Variants in DGKH observed in about 807,000 individuals in gnomAD.
DGKH encodes the protein diacylglycerol kinase eta.
DGKH carries 90 observed loss-of-function variants against 159.3 expected under a neutral mutation model. The ratio of observed to expected loss-of-function variants is 0.57; its 90% CI spans 0.48 to 0.67. DGKH has a LOEUF of 0.67. Ranked by LOEUF, DGKH falls within the 30% of genes least tolerant of loss-of-function variation. The probability of loss-of-function intolerance (pLI) is 0.00; values close to 1 mark genes in which losing one functional copy is unlikely to be tolerated. For synonymous variants in DGKH, 536 were observed against 553.8 expected (o/e 0.97, Z 0.45); for missense variants, 1,181 against 1,506.1 (o/e 0.78, Z 3.57).
chr13:42,155,812 C>T lies in DGKH; in HGVS notation c.622+13C>T. ...CTGTCCTGCGAAGGTACTGTAGCAC[C>T]TAGCATGTGTTTTCTCCCAACAGTA... On this transcript the variant is annotated intron_variant, in intron 5 of 29. Coordinates refer to ENST00000337343, the MANE Select transcript of DGKH (RefSeq NM_178009.5). The T allele has an allele frequency of 6.2e-7, 1 of 1,613,796 alleles. No individual in the cohort carries two copies. Among genetic ancestry groups the T allele is most frequent in the Non-Finnish European group, 8.5e-7 (1 of 1,179,910 alleles).
intron 12 of DGKH, among the ~76,000 whole-genome samples, chr13:42,176,883 G>T (rs1307294668): frequency 2.0e-5 from 3 of 152,172 alleles, no homozygotes; most frequent in Non-Finnish European, 4.4e-5. Flanking sequence ...TAAATATTGT[G>T]CACATTTTTA....
intron 2 of DGKH, 111 bp downstream of exon 2, chr13:42,127,684 T>C: frequency 1.3e-6 from 1 of 760,312 alleles, no homozygotes; most frequent in Non-Finnish European, 2.2e-6. Context: ...TATGCTCTTA[T>C]ATGAATTCAA....
At position 42,097,420 on chromosome 13, in the gene DGKH, G is replaced by A. The variant is rs148290251; in HGVS notation, c.193-30043G>A. ...TGTTGGTTCAGTGGGGGGACTTGTC[G>A]CCTGTGTCCGTCACTGTTTAATCAA... On this transcript the variant is annotated intron_variant, in intron 1 of 29. Coordinates refer to ENST00000337343, the MANE Select transcript of DGKH (RefSeq NM_178009.5). Among the ~76,000 whole-genome samples the A allele has an allele frequency of 1.2e-3, 184 of 152,228 alleles. 1 individual carries two copies. The highest frequency in any genetic ancestry group is 4.3e-3 in the African/African-American group (178 of 41,524).
At chr13:42,111,571 C>T (rs183185385) in intron 1 of DGKH, among the ~76,000 whole-genome samples, 16 of 151,930 alleles carry the variant, frequency 1.1e-4, no homozygotes, top group Admixed American at 6.5e-4. Context: ...GAGTGAGACT[C>T]CATCTCAAAA....
At chr13:42,223,610 A>T (rs1958042159) in intron 29 of DGKH, among the ~76,000 whole-genome samples, 1 of 151,824 alleles carries the variant, frequency 6.6e-6, no homozygotes, top group Non-Finnish European at 1.5e-5. Context: ...ACTACAAAAA[A>T]ACTAGCTAGG....
intron 24 of DGKH, among the ~76,000 whole-genome samples, chr13:42,211,177 A>G (rs1023047491): frequency 1.3e-5 from 2 of 152,206 alleles, no homozygotes; most frequent in Non-Finnish European, 2.9e-5. Flanking sequence ...TTAAACAAAT[A>G]AAAATCACTA....
chr13:42,058,405 T>TA (rs1881912637), intron 1 of DGKH, among the ~76,000 whole-genome samples: 1 of 152,194 alleles, frequency 6.6e-6, no homozygotes, highest in Non-Finnish European at 1.5e-5. Context: ...ATACACAATA[T>TA]AATTCCACAG....
chr13:42,175,882 C>T (rs1446351204), intron 12 of DGKH, among the ~76,000 whole-genome samples: 1 of 152,150 alleles, frequency 6.6e-6, no homozygotes, highest in African/African-American at 2.4e-5. Flanking sequence ...CTTTTGTATA[C>T]TTCATTAGCT....
intron 1 of DGKH, among the ~76,000 whole-genome samples, chr13:42,081,822 C>T (rs193126457): frequency 3.3e-4 from 51 of 152,250 alleles, no homozygotes; most frequent in African/African-American, 1.1e-3. Flanking sequence ...GCTTCCTTTC[C>T]GTGAAGAATA....
Position 42,155,753 on chromosome 13 carries a change from C to T in DGKH, c.576C>T (p.Cys192=). 2.5e-6 allele frequency: 4 copies of T among 1,614,084 alleles called. No individual in the cohort carries two copies. The highest frequency in any genetic ancestry group is 2.5e-6 in the Non-Finnish European group (3 of 1,179,998). ...CCCGACCCACCTTCTGTAACGTGTG[C>T]AGAGAGAGTCTTTCTGGAGTCACCT... ...SHARPTFCNV[C]RESLSGVTSH... Residue 192 remains cysteine (C), a synonymous_variant, in exon 5 of 30, where the codon TGC becomes TGT. Transcript: ENST00000337343.
intron 1 of DGKH, among the ~76,000 whole-genome samples, chr13:42,074,389 G>GT (rs1395024734): frequency 1.3e-5 from 2 of 152,010 alleles, no homozygotes; most frequent in Non-Finnish European, 2.9e-5. Context: ...AAAAGTTCAG[G>GT]TATCTCATTC....
In DGKH at chr13:42,229,450, G is replaced by A; in HGVS notation, c.*262G>A. On this transcript the variant is annotated 3_prime_UTR_variant, in exon 30 of 30. Transcript: ENST00000337343. ...ATATATTCACAATGGTAATAAGGTA[G>A]GAGGAATCTGAGACGATTGCATTGT... 2.8e-6 allele frequency: 1 copy of A among 357,798 alleles called. No homozygotes were observed. The highest frequency in any genetic ancestry group is 5.0e-6 in the Non-Finnish European group (1 of 199,158). 22.2% of individuals were successfully genotyped at this position (357,798 alleles called of 1,614,324 possible). A position where few individuals can be genotyped will look rare whatever the true frequency, so the allele number is the denominator to read the frequency against.
At chr13:42,206,171 G>C in intron 21 of DGKH, 25 bp downstream of exon 21, 2 of 1,334,762 alleles carry the variant, frequency 1.5e-6, no homozygotes, top group East Asian at 2.7e-5. Context: ...TAAATAGTTT[G>C]TTTCCTCAAA....
At chr13:42,168,847 A>G (rs549266212) in intron 11 of DGKH, 29 bp downstream of exon 11, 23 of 1,595,560 alleles carry the variant, frequency 1.4e-5, no homozygotes, top group Non-Finnish European at 1.9e-5. Context: ...CTACAACTAG[A>G]TGGAAAATGG....
intron 3 of DGKH, among the ~76,000 whole-genome samples, chr13:42,135,350 T>A (rs1293275491): frequency 6.8e-6 from 1 of 147,622 alleles, no homozygotes; most frequent in African/African-American, 2.4e-5. Context: ...AATGAAAAAA[T>A]TAACTGAGCA....
intron 12 of DGKH, among the ~76,000 whole-genome samples, chr13:42,176,551 TAA>T (rs1415008046): frequency 7.7e-6 from 1 of 129,610 alleles, no homozygotes; most frequent in Non-Finnish European, 1.8e-5. Context: ...TGTAGAAATT[TAA>T]AAGAGTAACA....
chr13:42,104,277 C>G (rs528450216), intron 1 of DGKH, among the ~76,000 whole-genome samples: 22 of 152,210 alleles, frequency 1.4e-4, no homozygotes, highest in Non-Finnish European at 2.6e-4. Context: ...ATTTCTCCCC[C>G]CCAGGGAATT....
rs768348678 is a variant in DGKH, at chr13:42,155,241, A to G, written c.385-50A>G. 7 of 1,427,432 alleles carry G rather than the reference A, an allele frequency of 4.9e-6. No homozygotes were observed. The African/African-American group carries it at 5.8e-5, about 12-fold the overall frequency. The allele number at this position is 1,427,432 out of a possible 1,614,324, so 88.4% of individuals were successfully genotyped here. ...TCAGAAGATGTTAGGTTTTGCAACA[A>G]TCTTTCTCTTTGGGTATTAACAATC... On this transcript the variant is annotated intron_variant, in intron 3 of 29. Transcript: ENST00000337343.
chr13:42,206,371 G>A (rs1437254128), intron 21 of DGKH, among the ~76,000 whole-genome samples: 4 of 152,148 alleles, frequency 2.6e-5, no homozygotes, highest in Non-Finnish European at 5.9e-5. Flanking sequence ...CGTATCTTGG[G>A]ATGTATGTCA....
Sources: gnomAD v4.1 joint callset for allele counts (sites outside exome capture counted in the v4.1 genomes callset) on GRCh38, gnomAD v4.1.1 for gene constraint, MANE v1.5 for transcripts, NCBI Gene and HGNC (gene_info 2026-07-23, HGNC 2026-07-21) for gene names.